RSPH4A: variants seen among roughly 807,000 people sequenced by gnomAD.
RSPH4A encodes the protein radial spoke head component 4A.
A neutral mutation model predicts 71.0 loss-of-function variants in RSPH4A; 47 were observed. That is an observed-to-expected ratio of 0.66 (90% CI 0.52 to 0.84). The LOEUF (loss-of-function observed/expected upper bound fraction) is 0.84. Among genes scored for constraint, RSPH4A ranks in the 40% least tolerant of loss-of-function variants. The probability of loss-of-function intolerance (pLI) is 0.00; values close to 1 mark genes in which losing one functional copy is unlikely to be tolerated. For missense variants in RSPH4A, 793 were observed against 855.2 expected (o/e 0.93, Z 0.91); for synonymous variants, 282 against 302.3 (o/e 0.93, Z 0.70).
intron 2 of RSPH4A, 65 bp downstream of exon 2, chr6:116,623,067 C>G (rs1775637623): frequency 3.0e-6 from 3 of 1,006,748 alleles, no homozygotes; most frequent in Non-Finnish European, 4.7e-6. Context: ...ATGGCTGTGG[C>G]TTTAAATTCA....
At position 116,628,195 on chromosome 6, in the gene RSPH4A, C is replaced by T. The variant is rs367598099; in HGVS notation, c.1488C>T (p.His496=). 2.9e-5 allele frequency: 47 copies of T among 1,613,962 alleles called. No individual in the cohort carries two copies. Among genetic ancestry groups the T allele is most frequent in the Middle Eastern group, 1.6e-4 (1 of 6,084 alleles). ...AQIARISAGT[H]VSPLGFYQFG... is the part of the protein sequence containing the mutation. Reference sequence around the variant, plus strand: ...TTGCCCGAATTTCAGCAGGAACCCACGTCAGTCCTCTAGGATTTTATCAGT... The same window carrying T: ...TTGCCCGAATTTCAGCAGGAACCCATGTCAGTCCTCTAGGATTTTATCAGT... Residue 496 remains histidine (H), a synonymous_variant, in exon 3 of 6, where the codon CAC becomes CAT. Coordinates refer to ENST00000229554, the MANE Select transcript of RSPH4A (RefSeq NM_001010892.3).
chr6:116,616,895 C>G lies in RSPH4A; in HGVS notation c.272C>G (p.Ser91Cys), dbSNP rs751712749. ...GCTCCTGTCTCTCCGCGGGAGCCCT[C>G]TTCCTCTCCTTCTCCCCTGGCTCCG... Reference protein sequence around the residue: ...SPAPVSPREPSSSPSPLAPAR... With the variant: ...SPAPVSPREPCSSPSPLAPAR... The change falls in exon 1 of 6, where the codon TCT (serine) becomes TGT (cysteine). Residue 91 changes from serine to cysteine, a missense_variant. Ser to Cys is a moderately radical substitution (Grantham distance 112). Transcript: ENST00000229554. 2.1e-5 allele frequency: 34 copies of G among 1,614,198 alleles called. No homozygotes were observed. Among genetic ancestry groups the G allele is most frequent in the Non-Finnish European group, 2.7e-5 (32 of 1,180,036 alleles).
At chr6:116,623,026 A>G in intron 2 of RSPH4A, 24 bp downstream of exon 2, 1 of 1,354,724 alleles carries the variant, frequency 7.4e-7, no homozygotes, top group South Asian at 1.2e-5. Flanking sequence ...ACAAATTTTA[A>G]TAATAAACCT....
chr6:116,619,689 G>A (rs1177419095), intron 1 of RSPH4A, among the ~76,000 whole-genome samples: 1 of 151,888 alleles, frequency 6.6e-6, no homozygotes, highest in South Asian at 2.1e-4. Context: ...CTCATGAAAT[G>A]TGAGATCAGT....
chr6:116,616,581 A>T lies in RSPH4A; in HGVS notation c.-43A>T. 1 of 1,521,152 alleles carries T rather than the reference A, an allele frequency of 6.6e-7. No homozygotes were observed. The highest frequency in any genetic ancestry group is 9.0e-7 in the Non-Finnish European group (1 of 1,110,862). The allele number at this position is 1,521,152 out of a possible 1,614,324, so 94.2% of individuals were successfully genotyped here. ...CTGAGTTGCCTTCTTCCATATTTTC[A>T]CGCCCCTTTCATCCAGAACATTTTT... On this transcript the variant is annotated 5_prime_UTR_variant, in exon 1 of 6. Transcript: ENST00000229554.
Position 116,632,448 on chromosome 6 carries a change from T to C in RSPH4A, c.*7T>C, listed in dbSNP as rs1193591896. ...GGAAGATGATTATGACTAATAAACA[T>C]AAAATTAGCCTGGTTTTATGTGACA... On this transcript the variant is annotated 3_prime_UTR_variant, in exon 6 of 6. Coordinates refer to ENST00000229554, the MANE Select transcript of RSPH4A (RefSeq NM_001010892.3). The C allele has an allele frequency of 1.9e-6, 3 of 1,607,042 alleles. No individual in the cohort carries two copies. Among genetic ancestry groups the C allele is most frequent in the Non-Finnish European group, 2.6e-6 (3 of 1,176,426 alleles).
At chr6:116,623,414 C>A (rs1775645060) in intron 2 of RSPH4A, among the ~76,000 whole-genome samples, 2 of 152,128 alleles carry the variant, frequency 1.3e-5, no homozygotes, top group South Asian at 4.1e-4. Context: ...GTATTTACAT[C>A]TTATTTTTTA....
At position 116,616,998 on chromosome 6, in the gene RSPH4A, TG is replaced by T; in HGVS notation, c.376del (p.Asp126IlefsTer41). 6.2e-7 allele frequency: 1 copy of T among 1,614,222 alleles called. No individual in the cohort carries two copies. The highest frequency in any genetic ancestry group is 2.2e-5 in the East Asian group (1 of 44,878). ...TTCCTGAAGCTGGGACACCTTATCCTGATCCTTTGGAACAATCATCTGATAA... is the reference window on the plus strand; with the variant it reads ...TTCCTGAAGCTGGGACACCTTATCCTATCCTTTGGAACAATCATCTGATAA... ...VIPEAGTPYP[D>X]PLEQSSDKRE... is the part of the protein sequence containing the mutation. On this transcript the variant is annotated frameshift_variant, in exon 1 of 6. Coordinates refer to ENST00000229554, the MANE Select transcript of RSPH4A (RefSeq NM_001010892.3). LOFTEE classifies it high-confidence loss of function.
At position 116,618,538 on chromosome 6, in the gene RSPH4A, G is replaced by A. The variant is rs1349336584; in HGVS notation, c.686+1229G>A. On this transcript the variant is annotated intron_variant, in intron 1 of 5. Coordinates refer to ENST00000229554, the MANE Select transcript of RSPH4A (RefSeq NM_001010892.3). ...GTTGGTTTTGTCTTTGTTTTGAGAC[G>A]GAGCCAGCTCTGTCGCCCAGGCTGG... Among the ~76,000 whole-genome samples, 4 of 152,132 alleles carry A rather than the reference G, an allele frequency of 2.6e-5. 1 individual carries two copies. The highest frequency in any genetic ancestry group is 6.5e-5 in the Admixed American group (1 of 15,268).
At chr6:116,618,556 C>T (rs898122223) in intron 1 of RSPH4A, among the ~76,000 whole-genome samples, 22 of 152,228 alleles carry the variant, frequency 1.4e-4, no homozygotes, top group Non-Finnish European at 2.6e-4. Context: ...CTCTGTCGCC[C>T]AGGCTGGAGT....
In RSPH4A at chr6:116,616,545, A is replaced by G; in HGVS notation, c.-79A>G. ...AGAAATCGCTTAAGAGACCGCGGCA[A>G]AGTAACTTAACTGAGTTGCCTTCTT... On this transcript the variant is annotated 5_prime_UTR_variant, in exon 1 of 6. Coordinates refer to ENST00000229554, the MANE Select transcript of RSPH4A (RefSeq NM_001010892.3). The G allele has an allele frequency of 7.8e-7, 1 of 1,278,734 alleles. No individual in the cohort carries two copies. The highest frequency in any genetic ancestry group is 1.1e-6 in the Non-Finnish European group (1 of 899,926). The allele number at this position is 1,278,734 out of a possible 1,614,324, so 79.2% of individuals were successfully genotyped here.
rs1000312147 is a variant in RSPH4A at position 116,627,310 on chromosome 6, C to A, written c.922-319C>A. 2.6e-5 allele frequency among the ~76,000 whole-genome samples: 4 copies of A among 152,190 alleles called. No individual in the cohort carries two copies. In the South Asian group the frequency reaches 6.2e-4, roughly 24 times the overall value. ...CGCCTCCCGGGTTCAAGTGATCCTC[C>A]TGGCTCAGCCTCCCAAGTAGCTGGG... On this transcript the variant is annotated intron_variant, in intron 2 of 5. Coordinates refer to ENST00000229554, the MANE Select transcript of RSPH4A (RefSeq NM_001010892.3).
Position 116,617,101 on chromosome 6 carries a change from C to A in RSPH4A, c.478C>A (p.Leu160Met). Residue 160 changes from leucine to methionine, a missense_variant, in exon 1 of 6, where the codon CTG (leucine) becomes ATG (methionine). Leu to Met is a conservative substitution (Grantham distance 15). Transcript: ENST00000229554. ...ACAGTCTCAGCAACCCAAACCCCAC[C>A]TGTGTGGACGAAGGGACGTGAGCTA... is the stretch of plus-strand genomic sequence containing the variant. ...FQQSQQPKPH[L>M]CGRRDVSYNN... 1 of 1,614,230 alleles carries A rather than the reference C, an allele frequency of 6.2e-7. No individual in the cohort carries two copies. Among genetic ancestry groups the A allele is most frequent in the Non-Finnish European group, 8.5e-7 (1 of 1,180,050 alleles).
chr6:116,632,148 C>G, intron 5 of RSPH4A, 59 bp from the exon 6 acceptor site: 1 of 1,255,826 alleles, frequency 8.0e-7, no homozygotes, highest in Non-Finnish European at 1.1e-6. Context: ...ACAGAAGGGT[C>G]AGTTTTTCTG....
intron 2 of RSPH4A, among the ~76,000 whole-genome samples, chr6:116,623,905 T>G (rs1030886183): frequency 1.3e-5 from 2 of 152,142 alleles, no homozygotes; most frequent in African/African-American, 4.8e-5. Context: ...TGACAGAGAT[T>G]GAAAAAAGCT....
chr6:116,632,202 T>C lies in RSPH4A; in HGVS notation c.1917-5T>C. The C allele has an allele frequency of 1.3e-6, 2 of 1,597,226 alleles. No individual in the cohort carries two copies. The highest frequency in any genetic ancestry group is 1.7e-6 in the Non-Finnish European group (2 of 1,169,208). The stretch of plus-strand genomic sequence containing the variant: ...TTTTTTTCTTCTTCTTTTTCTTACT[T>C]ATAGAAAGTTTGAAAATTTCTACAT... On this transcript the variant is annotated splice_polypyrimidine_tract_variant and splice_region_variant and intron_variant, in intron 5 of 5. Transcript: ENST00000229554.
chr6:116,626,661 G>A (rs997318864), intron 2 of RSPH4A, among the ~76,000 whole-genome samples: 2 of 152,002 alleles, frequency 1.3e-5, no homozygotes, highest in Non-Finnish European at 2.9e-5. Flanking sequence ...TGTTTCTATG[G>A]TCCATTTAAG....
chr6:116,632,352 G>C lies in RSPH4A; in HGVS notation c.2062G>C (p.Ala688Pro). Residue 688 changes from alanine (A) to proline (P), a missense_variant, in exon 6 of 6, where the codon GCT (alanine) becomes CCT (proline). Ala to Pro is a conservative substitution (Grantham distance 27). Transcript: ENST00000229554. Reference protein sequence around the residue: ...MDDPSVEEEQAFRAAQEAVLL... With the variant: ...MDDPSVEEEQPFRAAQEAVLL... The stretch of plus-strand genomic sequence containing the variant: ...TGATCCTAGTGTGGAGGAGGAGCAG[G>C]CTTTCAGGGCTGCACAAGAAGCAGT... 1.9e-6 allele frequency: 3 copies of C among 1,614,074 alleles called. No homozygotes were observed. The highest frequency in any genetic ancestry group is 2.5e-6 in the Non-Finnish European group (3 of 1,180,012).
In RSPH4A at chr6:116,616,555, A is replaced by C. The variant is rs750273200; in HGVS notation, c.-69A>C. On this transcript the variant is annotated 5_prime_UTR_variant, in exon 1 of 6. Transcript: ENST00000229554. ...TAAGAGACCGCGGCAAAGTAACTTA[A>C]CTGAGTTGCCTTCTTCCATATTTTC... is the stretch of plus-strand genomic sequence containing the variant. The C allele has an allele frequency of 9.4e-5, 128 of 1,359,288 alleles. No homozygotes were observed. The highest frequency in any genetic ancestry group is 1.3e-4 in the Non-Finnish European group (125 of 971,844). The allele number at this position is 1,359,288 out of a possible 1,614,324, so 84.2% of individuals were successfully genotyped here. A position where few individuals can be genotyped will look rare whatever the true frequency, so the allele number is the denominator to read the frequency against.
Sources: gnomAD v4.1 joint callset for allele counts (sites outside exome capture counted in the v4.1 genomes callset) on GRCh38, gnomAD v4.1.1 for gene constraint, MANE v1.5 for transcripts, NCBI Gene and HGNC (gene_info 2026-07-23, HGNC 2026-07-21) for gene names.